ADAMTS6: variants seen among roughly 807,000 people sequenced by gnomAD.
ADAMTS6 encodes the protein A disintegrin and metalloproteinase with thrombospondin motifs 6.
In ADAMTS6, 23 loss-of-function variants were observed where a neutral mutation model predicts 144.3. The observed-to-expected ratio is 0.16, with a 90% CI of 0.11 to 0.23. The LOEUF (loss-of-function observed/expected upper bound fraction) is 0.23. Ranked by LOEUF, ADAMTS6 falls within the 10% of genes least tolerant of loss-of-function variation. The pLI, the probability that ADAMTS6 is intolerant of heterozygous loss-of-function variation, is 1.00. For synonymous variants in ADAMTS6, 444 were observed against 457.5 expected (o/e 0.97, Z 0.38); for missense variants, 999 against 1,379.6 (o/e 0.72, Z 4.37).
At chr5:65,300,926 C>T (rs946923210) in intron 9 of ADAMTS6, among the ~76,000 whole-genome samples, 6 of 152,118 alleles carry the variant, frequency 3.9e-5, no homozygotes, top group African/African-American at 4.8e-5. Context: ...CCACCGCGCC[C>T]GGCCGTAAGT....
chr5:65,371,110 A>G (rs1750854136), intron 7 of ADAMTS6, among the ~76,000 whole-genome samples: 1 of 152,166 alleles, frequency 6.6e-6, no homozygotes, highest in African/African-American at 2.4e-5. Context: ...CACACCAAAA[A>G]CCAATCTGTA....
chr5:65,405,531 C>T (rs980038990), intron 7 of ADAMTS6, among the ~76,000 whole-genome samples: 1 of 152,134 alleles, frequency 6.6e-6, no homozygotes, highest in African/African-American at 2.4e-5. Flanking sequence ...CAGTACCATG[C>T]TGTGTTGGTT....
chr5:65,393,998 T>C (rs1221172023), intron 7 of ADAMTS6, among the ~76,000 whole-genome samples: 4 of 152,210 alleles, frequency 2.6e-5, no homozygotes, highest in Non-Finnish European at 5.9e-5. Flanking sequence ...AAGCTATATA[T>C]GAAGTGACAG....
chr5:65,372,850 G>C (rs1481663040), intron 7 of ADAMTS6, among the ~76,000 whole-genome samples: 21 of 152,114 alleles, frequency 1.4e-4, no homozygotes, highest in Middle Eastern at 3.4e-3. Flanking sequence ...TGACCACATA[G>C]TTGGAAGTAA....
In ADAMTS6 at chr5:65,215,310, A is replaced by G; in HGVS notation, c.2436+14T>C. On this transcript the variant is annotated intron_variant, in intron 19 of 24. Coordinates refer to ENST00000381055, the MANE Select transcript of ADAMTS6 (RefSeq NM_197941.4). ...TTAAAAACAGAAGAAATACAATGGC[A>G]AAGACGCATTTACCATGACGATGAG... The G allele has an allele frequency of 1.2e-6, 2 of 1,611,530 alleles. No homozygotes were observed. Among genetic ancestry groups the G allele is most frequent in the African/African-American group, 1.3e-5 (1 of 74,922 alleles).
intron 7 of ADAMTS6, among the ~76,000 whole-genome samples, chr5:65,365,169 T>TATATAC (rs1750194368): frequency 6.6e-6 from 1 of 152,108 alleles, no homozygotes; most frequent in Non-Finnish European, 1.5e-5. Flanking sequence ...ATTTGTTAAT[T>TATATAC]ATATACTCCA....
intron 9 of ADAMTS6, among the ~76,000 whole-genome samples, chr5:65,323,813 A>C (rs531120223): frequency 6.6e-6 from 1 of 152,262 alleles, no homozygotes; most frequent in South Asian, 2.1e-4. Context: ...CACCATTCTA[A>C]CTGGTGTGAG....
chr5:65,180,654 G>A (rs1754290030), intron 22 of ADAMTS6, among the ~76,000 whole-genome samples: 1 of 151,872 alleles, frequency 6.6e-6, no homozygotes, highest in Non-Finnish European at 1.5e-5. Context: ...CTAAACTTTA[G>A]TCAGAGGGAT....
At chr5:65,360,982 G>A (rs1749775414) in intron 7 of ADAMTS6, among the ~76,000 whole-genome samples, 1 of 151,992 alleles carries the variant, frequency 6.6e-6, no homozygotes, top group Non-Finnish European at 1.5e-5. Flanking sequence ...ATCACGTCAG[G>A]TCTCCTAAGA....
Position 65,430,703 on chromosome 5 carries a change from C to T in ADAMTS6, c.1073+20772G>A, listed in dbSNP as rs560586451. Among the ~76,000 whole-genome samples the T allele has an allele frequency of 2.0e-4, 31 of 152,170 alleles. 1 individual carries two copies. The South Asian group carries it at 5.4e-3, about 27-fold the overall frequency. On this transcript the variant is annotated intron_variant, in intron 7 of 24. Coordinates refer to ENST00000381055, the MANE Select transcript of ADAMTS6 (RefSeq NM_197941.4). ...CAAAGAATAAGAGAGCCAAAATAAG[C>T]AGGGGCAAAAAAGAGCGTGTTTTCA...
At chr5:65,332,068 T>C (rs1157185347) in intron 8 of ADAMTS6, among the ~76,000 whole-genome samples, 1 of 151,746 alleles carries the variant, frequency 6.6e-6, no homozygotes, top group Non-Finnish European at 1.5e-5. Context: ...CTCAAATCTT[T>C]GCCAATAATG....
intron 14 of ADAMTS6, among the ~76,000 whole-genome samples, chr5:65,254,572 A>T (rs967758904): frequency 1.3e-5 from 2 of 152,192 alleles, no homozygotes; most frequent in Admixed American, 6.5e-5. Context: ...AACACATAAT[A>T]AGGGCTCCTA....
chr5:65,479,705 C>T (rs931810088), intron 1 of ADAMTS6, among the ~76,000 whole-genome samples: 4 of 152,154 alleles, frequency 2.6e-5, no homozygotes. Context: ...GTTACTACTA[C>T]TAGTGATTAC....
intron 20 of ADAMTS6, among the ~76,000 whole-genome samples, chr5:65,212,145 G>C (rs1000880464): frequency 1.3e-5 from 2 of 152,192 alleles, no homozygotes; most frequent in Non-Finnish European, 2.9e-5. Context: ...GCTCAAATTA[G>C]CATTTCTAAC....
intron 24 of ADAMTS6, among the ~76,000 whole-genome samples, chr5:65,162,702 C>T (rs1752856997): frequency 6.6e-6 from 1 of 151,252 alleles, no homozygotes; most frequent in Non-Finnish European, 1.5e-5. Flanking sequence ...ATATATAAGA[C>T]AGATAATATA....
rs34387044 is a variant in ADAMTS6, at chr5:65,481,107, T to TG, written c.-280+235dup. ...ATTCATAAAATAAACGTATTTTTTTTGCATCATAAAATAACTGCAAGTCCC... is the reference window on the plus strand; with the variant it reads ...ATTCATAAAATAAACGTATTTTTTTTGGCATCATAAAATAACTGCAAGTCCC... On this transcript the variant is annotated intron_variant, in intron 1 of 24. Coordinates refer to ENST00000381055, the MANE Select transcript of ADAMTS6 (RefSeq NM_197941.4). 5.1e-3 allele frequency among the ~76,000 whole-genome samples: 779 copies of TG among 151,862 alleles called. 5 individuals are homozygous for TG. The highest frequency in any genetic ancestry group is 8.2e-3 in the Non-Finnish European group (557 of 67,932).
chr5:65,433,031 C>T (rs1757111300), intron 7 of ADAMTS6, among the ~76,000 whole-genome samples: 1 of 152,104 alleles, frequency 6.6e-6, no homozygotes, highest in Admixed American at 6.6e-5. Context: ...CCAAATGAGG[C>T]CATTTTCTTT....
At chr5:65,223,190 T>C (rs535530780) in intron 18 of ADAMTS6, among the ~76,000 whole-genome samples, 1 of 152,246 alleles carries the variant, frequency 6.6e-6, no homozygotes, top group Admixed American at 6.5e-5. Flanking sequence ...TTCTTTTTTT[T>C]CCAGCTTTGT....
At chr5:65,238,308 G>A (rs1758862802) in intron 15 of ADAMTS6, among the ~76,000 whole-genome samples, 1 of 152,090 alleles carries the variant, frequency 6.6e-6, no homozygotes, top group African/African-American at 2.4e-5. Flanking sequence ...CTGAGCATCT[G>A]TAAAACAATT....
Sources: allele counts gnomAD v4.1 joint callset (sites outside exome capture counted in the v4.1 genomes callset), GRCh38; gene constraint gnomAD v4.1.1; transcripts MANE v1.5; gene names NCBI Gene and HGNC (gene_info 2026-07-23, HGNC 2026-07-21).